LCOR: variants seen among roughly 807,000 people sequenced by gnomAD.
LCOR encodes ligand dependent nuclear receptor corepressor.
LCOR carries 14 observed loss-of-function variants against 64.4 expected under a neutral mutation model. The ratio of observed to expected loss-of-function variants is 0.22; its 90% confidence interval spans 0.14 to 0.34. LCOR has a LOEUF of 0.34. LCOR is among the 10% of genes least tolerant of loss of function. The probability of loss-of-function intolerance (pLI) is 1.00; values close to 1 mark genes in which losing one functional copy is unlikely to be tolerated. For missense variants in LCOR, 1,686 were observed against 1,765.3 expected (o/e 0.96, Z 0.80); for synonymous variants, 643 against 642.5 (o/e 1.00, Z -0.01).
intron 4 of LCOR, among the ~76,000 whole-genome samples, chr10:96,914,601 C>G (rs1160190214): frequency 6.6e-6 from 1 of 152,226 alleles, no homozygotes; most frequent in African/African-American, 2.4e-5. Flanking sequence ...TATTTAAAAG[C>G]AGGACATGGG....
At position 96,981,595 on chromosome 10, in the gene LCOR, C is replaced by A. The variant is rs750985246; in HGVS notation, c.1135C>A (p.Gln379Lys). 2 of 1,614,080 alleles carry A rather than the reference C, an allele frequency of 1.2e-6. No homozygotes were observed. Among genetic ancestry groups the A allele is most frequent in the Non-Finnish European group, 8.5e-7 (1 of 1,180,038 alleles). ...ACAGTGTCCAAAAACACCTTTGCGC[C>A]AGGATTTAGAGGCAAATGAACAAGA... ...TLQCPKTPLR[Q>K]DLEANEQDAR... The change falls in exon 8 of 8, where the codon CAG becomes AAG. Residue 379 changes from glutamine to lysine, a missense_variant. By Grantham distance (53) the Gln-to-Lys change is moderately conservative. This residue lies in a region of LCOR where 313 missense variants were observed against 247.2 expected (regional missense o/e 1.27). Coordinates refer to ENST00000421806, the MANE Select transcript of LCOR (RefSeq NM_001346516.2).
At position 96,928,686 on chromosome 10, in the gene LCOR, A is replaced by C. The variant is rs72819857; in HGVS notation, c.-183-15427A>C. Among the ~76,000 whole-genome samples, 4 of 152,282 alleles carry C rather than the reference A, an allele frequency of 2.6e-5. No individual in the cohort carries two copies. In the South Asian group the frequency reaches 8.3e-4, roughly 32 times the overall value. ...GTTCTTAATGGCATCTAGAATGGCA[A>C]ATCTTTTCCGGAAAGTTTTTAATTT... is the stretch of plus-strand genomic sequence containing the variant. On this transcript the variant is annotated intron_variant, in intron 4 of 7. Coordinates refer to ENST00000421806, the MANE Select transcript of LCOR (RefSeq NM_001346516.2).
At chr10:96,887,480 G>A (rs908735399) in intron 2 of LCOR, among the ~76,000 whole-genome samples, 13 of 151,410 alleles carry the variant, frequency 8.6e-5, no homozygotes, top group East Asian at 2.0e-4. Context: ...GGAGAATGGC[G>A]TGAACCTGGG....
intron 7 of LCOR, among the ~76,000 whole-genome samples, chr10:96,952,558 G>T (rs1473255588): frequency 4.1e-5 from 5 of 123,056 alleles, no homozygotes; most frequent in African/African-American, 2.8e-4. Context: ...GGTATCTCTA[G>T]TGGGGTTTGT....
intron 4 of LCOR, among the ~76,000 whole-genome samples, chr10:96,935,612 T>C (rs1262052748): frequency 6.6e-6 from 1 of 152,188 alleles, no homozygotes; most frequent in Non-Finnish European, 1.5e-5. Flanking sequence ...GGCAGGAGGA[T>C]TGCTTGAGGC....
chr10:96,985,221 C>G lies in LCOR; in HGVS notation c.*87C>G. ...ACTAAATCTGCTTTTATAAGCTTAT[C>G]AAGCCTTTCAAATTTACAGTTAATG... On this transcript the variant is annotated 3_prime_UTR_variant, in exon 8 of 8. Coordinates refer to ENST00000421806, the MANE Select transcript of LCOR (RefSeq NM_001346516.2). 1 of 1,430,476 alleles carries G rather than the reference C, an allele frequency of 7.0e-7. No individual in the cohort carries two copies. The highest frequency in any genetic ancestry group is 9.2e-7 in the Non-Finnish European group (1 of 1,085,120). The allele number at this position is 1,430,476 out of a possible 1,614,324, so 88.6% of individuals were successfully genotyped here. A position where few individuals can be genotyped will look rare whatever the true frequency, so the allele number is the denominator to read the frequency against.
At chr10:96,950,787 C>T (rs1192286262) in intron 6 of LCOR, among the ~76,000 whole-genome samples, 1 of 151,970 alleles carries the variant, frequency 6.6e-6, no homozygotes, top group South Asian at 2.1e-4. Context: ...AATATGTTGC[C>T]TGTTTGATTA....
At position 96,833,493 on chromosome 10, in the gene LCOR, G is replaced by A; in HGVS notation, c.-330+14G>A. On this transcript the variant is annotated intron_variant, in intron 2 of 7. Transcript: ENST00000421806. ...CCCCTCCAAAAAGTAAGTGGCCCGT[G>A]TGGTGTCTCCGCTCCGCCCGCCGCC... 1 of 981,566 alleles carries A rather than the reference G, an allele frequency of 1.0e-6. No homozygotes were observed. The highest frequency in any genetic ancestry group is 1.2e-6 in the Non-Finnish European group (1 of 825,974). 60.8% of individuals were successfully genotyped at this position (981,566 alleles called of 1,614,324 possible).
At chr10:96,900,989 A>G (rs1589643202) in intron 2 of LCOR, among the ~76,000 whole-genome samples, 1 of 151,532 alleles carries the variant, frequency 6.6e-6, no homozygotes, top group East Asian at 1.9e-4. Flanking sequence ...GGAGATCGAG[A>G]CCATCGTGGC....
intron 2 of LCOR, among the ~76,000 whole-genome samples, chr10:96,844,771 A>G (rs1426849701): frequency 2.0e-5 from 3 of 152,206 alleles, no homozygotes; most frequent in Non-Finnish European, 4.4e-5. Context: ...TCTGAGTGAT[A>G]CTGATTCTAC....
At chr10:96,862,611 ACCTT>A (rs2134394111) in intron 2 of LCOR, among the ~76,000 whole-genome samples, 1 of 152,168 alleles carries the variant, frequency 6.6e-6, no homozygotes, top group African/African-American at 2.4e-5. Flanking sequence ...GATCAACTTA[ACCTT>A]CAGCCCTTTT....
intron 2 of LCOR, among the ~76,000 whole-genome samples, chr10:96,906,154 CA>C (rs927126694): frequency 3.9e-5 from 6 of 152,192 alleles, no homozygotes; most frequent in Admixed American, 6.5e-5. Context: ...AATTAAATCG[CA>C]AACCCCTAGG....
chr10:96,858,747 T>C (rs1243667365), intron 2 of LCOR, among the ~76,000 whole-genome samples: 1 of 152,158 alleles, frequency 6.6e-6, no homozygotes, highest in East Asian at 1.9e-4. Context: ...TCTGGGAGTT[T>C]CTAATATTGT....
intron 2 of LCOR, among the ~76,000 whole-genome samples, chr10:96,891,530 C>CT (rs71007307): frequency 2.6e-4 from 2 of 7,644 alleles, no homozygotes; most frequent in Non-Finnish European, 4.7e-4. Context: ...TGTCTTGACT[C>CT]TTTTTTTTTT....
intron 2 of LCOR, among the ~76,000 whole-genome samples, chr10:96,871,895 T>G (rs1846078354): frequency 6.6e-6 from 1 of 152,196 alleles, no homozygotes; most frequent in Non-Finnish European, 1.5e-5. Context: ...CAAACTGATC[T>G]AATAACTTTC....
intron 4 of LCOR, among the ~76,000 whole-genome samples, chr10:96,911,931 T>C (rs1846843879): frequency 6.6e-6 from 1 of 152,094 alleles, no homozygotes; most frequent in African/African-American, 2.4e-5. Flanking sequence ...GCTTTTCTTT[T>C]CTTTCTTTCT....
At chr10:96,886,353 G>GT (rs1846343361) in intron 2 of LCOR, among the ~76,000 whole-genome samples, 1 of 152,148 alleles carries the variant, frequency 6.6e-6, no homozygotes, top group African/African-American at 2.4e-5. Context: ...ATGCTTACCA[G>GT]TTTAGCATTT....
At chr10:96,944,702 A>C (rs1847556811) in intron 5 of LCOR, among the ~76,000 whole-genome samples, 1 of 151,972 alleles carries the variant, frequency 6.6e-6, no homozygotes, top group African/African-American at 2.4e-5. Flanking sequence ...TGTTTCACTA[A>C]AATTTTTTAT....
At position 96,982,763 on chromosome 10, in the gene LCOR, G is replaced by A. The variant is rs1462981226; in HGVS notation, c.2303G>A (p.Gly768Asp). 1 of 1,614,084 alleles carries A rather than the reference G, an allele frequency of 6.2e-7. No homozygotes were observed. Among genetic ancestry groups the A allele is most frequent in the Non-Finnish European group, 8.5e-7 (1 of 1,180,052 alleles). ...GAAACTGAGGAAAGTGAGGCAGCAG[G>A]TGGTATAGGAAAATTAGAGGGAGAG... ...PSETEESEAA[G>D]GIGKLEGEDG... Residue 768 changes from glycine to aspartate, a missense_variant, in exon 8 of 8, where the codon GGT (glycine) becomes GAT (aspartate). Physicochemically the swap from Gly to Asp is moderately conservative, Grantham distance 94. Coordinates refer to ENST00000421806, the MANE Select transcript of LCOR (RefSeq NM_001346516.2).
Sources: gnomAD v4.1 joint callset for allele counts (sites outside exome capture counted in the v4.1 genomes callset) on GRCh38, gnomAD v4.1.1 for gene constraint, gnomAD v4.1.1 regional missense constraint, MANE v1.5 for transcripts, NCBI Gene and HGNC (gene_info 2026-07-23, HGNC 2026-07-21) for gene names.